Variants in GIMAP5 observed in about 807,000 individuals in gnomAD.
The protein encoded by GIMAP5 is GTPase, IMAP family member 5.
A neutral mutation model predicts 9.9 loss-of-function variants in GIMAP5; 8 were observed. That is an observed-to-expected ratio of 0.81 (90% CI 0.47 to 1.45). The LOEUF (loss-of-function observed/expected upper bound fraction) is 1.45, where lower values mean the gene tolerates loss of function less well. Ranked by LOEUF, GIMAP5 falls within the 40% of genes most tolerant of loss-of-function variation. The pLI is 0.00. For missense variants in GIMAP5, 353 were observed against 367.4 expected, an observed-to-expected ratio of 0.96 and a Z score of 0.32; for synonymous variants, 174 against 151.4, an observed-to-expected ratio of 1.15 and a Z score of -1.09.
chr7:150,740,682 A>C (rs1357244657), intron 1 of GIMAP5, 197 bp from the exon 2 acceptor site: 1 of 559,198 alleles, frequency 1.8e-6, no homozygotes, highest in African/African-American at 1.9e-5. Flanking sequence ...TTTTAGCATA[A>C]CCTAACATCT....
chr7:150,740,717 T>C, intron 1 of GIMAP5, 162 bp from the exon 2 acceptor site: 2 of 654,682 alleles, frequency 3.1e-6, no homozygotes, highest in East Asian at 5.5e-5. Flanking sequence ...TGTTTAAAGT[T>C]ATTTACAGAT....
chr7:150,742,613 C>T lies in GIMAP5; in HGVS notation c.474C>T (p.Gly158=). Residue 158 remains glycine, a synonymous_variant, in exon 3 of 3, where the codon GGC becomes GGT. Transcript: ENST00000358647. ...TCACCCACAAAGAGGACTTAGGGGG[C>T]CAGGCCCTGGATGACTATGTAGCAA... ...ILFTHKEDLG[G]QALDDYVANT... is the part of the protein sequence containing the mutation. 1 of 1,614,154 alleles carries T rather than the reference C, an allele frequency of 6.2e-7. No homozygotes were observed. Among genetic ancestry groups the T allele is most frequent in the Non-Finnish European group, 8.5e-7 (1 of 1,180,034 alleles).
Position 150,742,956 on chromosome 7 carries a change from C to T in GIMAP5, c.817C>T (p.Leu273Phe). Residue 273 changes from leucine (L) to phenylalanine (F), a missense_variant, in exon 3 of 3, where the codon CTC becomes TTC. Physicochemically the swap from Leu to Phe is conservative, Grantham distance 22. Coordinates refer to ENST00000358647, the MANE Select transcript of GIMAP5 (RefSeq NM_018384.5). ...NESNWAYKAL[L>F]RVKHLMLLHY... is the part of the protein sequence containing the mutation. ...GAGTAACTGGGCATACAAGGCGCTC[C>T]TCAGAGTCAAACACTTGATGCTTTT... The T allele has an allele frequency of 1.2e-6, 2 of 1,614,262 alleles. No individual in the cohort carries two copies. The highest frequency in any genetic ancestry group is 1.7e-6 in the Non-Finnish European group (2 of 1,180,052).
In GIMAP5 at chr7:150,742,414, A is replaced by T. The variant is rs754403916; in HGVS notation, c.275A>T (p.Asp92Val). 3 of 1,614,038 alleles carry T rather than the reference A, an allele frequency of 1.9e-6. No homozygotes were observed. The highest frequency in any genetic ancestry group is 2.5e-6 in the Non-Finnish European group (3 of 1,179,996). The change falls in exon 3 of 3, where the codon GAT becomes GTT. Residue 92 changes from aspartate (D) to valine (V), a missense_variant. Coordinates refer to ENST00000358647, the MANE Select transcript of GIMAP5 (RefSeq NM_018384.5). ...CCCTCCATCTTTGAGTCACAGGCCGATACCCAAGAGCTGTACAAGAACATC... is the reference window on the plus strand; with the variant it reads ...CCCTCCATCTTTGAGTCACAGGCCGTTACCCAAGAGCTGTACAAGAACATC... ...DTPSIFESQADTQELYKNIGD... is the reference protein window; with the variant it reads ...DTPSIFESQAVTQELYKNIGD...
In GIMAP5 at chr7:150,742,504, G is replaced by A. The variant is rs150441443; in HGVS notation, c.365G>A (p.Arg122His). The change falls in exon 3 of 3, where the codon CGT (arginine) becomes CAT (histidine). Residue 122 changes from arginine to histidine, a missense_variant. By Grantham distance (29) the Arg-to-His change is conservative. Coordinates refer to ENST00000358647, the MANE Select transcript of GIMAP5 (RefSeq NM_018384.5). ...HVLLLVIQLG[R>H]FTAQDTVAIR... ...CTGCTTCTGGTGATCCAGCTGGGGCGTTTCACTGCTCAGGACACAGTGGCC... is the reference window on the plus strand; with the variant it reads ...CTGCTTCTGGTGATCCAGCTGGGGCATTTCACTGCTCAGGACACAGTGGCC... 364 of 1,614,128 alleles carry A rather than the reference G, an allele frequency of 2.3e-4. 5 individuals carry two copies. The Middle Eastern group carries it at 0.014, about 61-fold the overall frequency.
intron 2 of GIMAP5, 123 bp downstream of exon 2, chr7:150,741,050 G>A (rs4725359): frequency 0.12 from 119,126 of 962,822 alleles, 7,804 homozygotes; most frequent in African/African-American, 0.18. Flanking sequence ...AGAAGATAAA[G>A]GCAACTATCA....
rs146646600 is a variant in GIMAP5, at chr7:150,742,388, G to A, written c.249G>A (p.Thr83=). Residue 83 remains threonine (T), a synonymous_variant, in exon 3 of 3, where the codon ACG becomes ACA. Coordinates refer to ENST00000358647, the MANE Select transcript of GIMAP5 (RefSeq NM_018384.5). ...GGAGGAAAGTCCTGGTGGTTGACAC[G>A]CCCTCCATCTTTGAGTCACAGGCCG... The part of the protein sequence containing the change: ...WNGRKVLVVD[T]PSIFESQADT... The A allele has an allele frequency of 2.4e-4, 386 of 1,614,088 alleles. 1 individual carries two copies. The highest frequency in any genetic ancestry group is 1.4e-3 in the South Asian group (124 of 91,078).
chr7:150,741,233 G>C (rs939128051), intron 2 of GIMAP5, among the ~76,000 whole-genome samples: 1 of 135,680 alleles, frequency 7.4e-6, no homozygotes, highest in Admixed American at 7.1e-5. Context: ...TCTGCTGACA[G>C]CTCAAAAAGA....
chr7:150,737,591 C>G lies in GIMAP5; in HGVS notation c.-124C>G, dbSNP rs79239469. 1 of 1,535,578 alleles carries G rather than the reference C, an allele frequency of 6.5e-7. No individual in the cohort carries two copies. The highest frequency in any genetic ancestry group is 1.2e-5 in the South Asian group (1 of 84,056). On this transcript the variant is annotated 5_prime_UTR_variant, in exon 1 of 3. Transcript: ENST00000358647. ...CCCTCAGCCCTGTGAACAGCATCCC[C>G]GCACACAGACGCAGAGCAGGACTCT...
chr7:150,742,809 T>C lies in GIMAP5; in HGVS notation c.670T>C (p.Phe224Leu), dbSNP rs574994840. The C allele has an allele frequency of 1.1e-5, 17 of 1,614,022 alleles. No individual in the cohort carries two copies. The highest frequency in any genetic ancestry group is 1.4e-5 in the Non-Finnish European group (16 of 1,180,044). The stretch of plus-strand genomic sequence containing the variant: ...GGGCTCCTTCCACAGCAATGACCTC[T>C]TCTTGGATGCCCAGCTGCTCCAAAG... The part of the protein sequence containing the change: ...REGSFHSNDL[F>L]LDAQLLQRTG... The change falls in exon 3 of 3, where the codon TTC becomes CTC. Residue 224 changes from phenylalanine (F) to leucine (L), a missense_variant. Transcript: ENST00000358647.
intron 1 of GIMAP5, 140 bp downstream of exon 1, chr7:150,737,848 G>A (rs1797538535): frequency 1.5e-6 from 1 of 679,864 alleles, no homozygotes; most frequent in South Asian, 1.8e-5. Flanking sequence ...CGGGGCAATG[G>A]TGATGAGTGT....
intron 2 of GIMAP5, 100 bp downstream of exon 2, chr7:150,741,027 T>G (rs544200788): frequency 1.6e-6 from 2 of 1,276,774 alleles, no homozygotes; most frequent in East Asian, 2.4e-5. Context: ...AGAAACCCAT[T>G]CATTTTAAAT....
In GIMAP5 at chr7:150,742,672, G is replaced by T. The variant is rs147182394; in HGVS notation, c.533G>T (p.Arg178Leu). ...AACTGCAGCCTGAAAGACCTGGTGCGGGAGTGTGAGAGAAGGTACTGTGCC... is the reference window on the plus strand; with the variant it reads ...AACTGCAGCCTGAAAGACCTGGTGCTGGAGTGTGAGAGAAGGTACTGTGCC... ...TDNCSLKDLV[R>L]ECERRYCAFN... The change falls in exon 3 of 3, where the codon CGG becomes CTG. Residue 178 changes from arginine to leucine, a missense_variant. Physicochemically the swap from Arg to Leu is moderately radical, Grantham distance 102 (BLOSUM62 -2). Transcript: ENST00000358647. The T allele has an allele frequency of 6.2e-7, 1 of 1,614,204 alleles. No homozygotes were observed. Among genetic ancestry groups the T allele is most frequent in the Non-Finnish European group, 8.5e-7 (1 of 1,180,034 alleles).
Position 150,742,556 on chromosome 7 carries a change from G to A in GIMAP5, c.417G>A (p.Gly139=), listed in dbSNP as rs1160288168. 2 of 1,614,196 alleles carry A rather than the reference G, an allele frequency of 1.2e-6. No homozygotes were observed. The highest frequency in any genetic ancestry group is 1.7e-5 in the Admixed American group (1 of 60,028). The change falls in exon 3 of 3, where the codon GGG becomes GGA. Residue 139 remains glycine, a synonymous_variant. Transcript: ENST00000358647. ...VAIRKVKEVF[G]TGAMRHVVIL... is the part of the protein sequence containing the mutation. ...TCAGGAAGGTGAAAGAGGTCTTTGG[G>A]ACAGGGGCCATGAGACATGTGGTCA... is the stretch of plus-strand genomic sequence containing the variant.
At position 150,742,976 on chromosome 7, in the gene GIMAP5, G is replaced by C. The variant is rs771386178; in HGVS notation, c.837G>C (p.Met279Ile). The C allele has an allele frequency of 1.9e-6, 3 of 1,614,166 alleles. No individual in the cohort carries two copies. Among genetic ancestry groups the C allele is most frequent in the Non-Finnish European group, 2.5e-6 (3 of 1,180,004 alleles). Residue 279 changes from methionine to isoleucine, a missense_variant, in exon 3 of 3, where the codon ATG becomes ATC. Coordinates refer to ENST00000358647, the MANE Select transcript of GIMAP5 (RefSeq NM_018384.5). ...CGCTCCTCAGAGTCAAACACTTGAT[G>C]CTTTTGCATTATGAGATTTTTGTTT... The part of the protein sequence containing the change: ...YKALLRVKHL[M>I]LLHYEIFVFL...
chr7:150,740,825 T>C (rs1258494807), intron 1 of GIMAP5, 54 bp from the exon 2 acceptor site: 88 of 1,587,410 alleles, frequency 5.5e-5, no homozygotes, highest in Non-Finnish European at 6.8e-5. Context: ...CCTCAGGCTC[T>C]ACCAGCTCCC....
chr7:150,742,388 G>T lies in GIMAP5; in HGVS notation c.249G>T (p.Thr83=). Reference sequence around the variant, plus strand: ...GGAGGAAAGTCCTGGTGGTTGACACGCCCTCCATCTTTGAGTCACAGGCCG... The same window carrying T: ...GGAGGAAAGTCCTGGTGGTTGACACTCCCTCCATCTTTGAGTCACAGGCCG... ...WNGRKVLVVD[T]PSIFESQADT... The change falls in exon 3 of 3, where the codon ACG becomes ACT. Residue 83 remains threonine (T), a synonymous_variant. Transcript: ENST00000358647. 3 of 1,614,088 alleles carry T rather than the reference G, an allele frequency of 1.9e-6. No individual in the cohort carries two copies. The highest frequency in any genetic ancestry group is 1.7e-5 in the Admixed American group (1 of 60,016).
intron 2 of GIMAP5, among the ~76,000 whole-genome samples, chr7:150,741,254 A>G (rs571577214): frequency 4.6e-5 from 7 of 151,668 alleles, no homozygotes; most frequent in Non-Finnish European, 1.0e-4. Flanking sequence ...AAAGGTCCCC[A>G]TAGGGATTTA....
chr7:150,741,028 C>A, intron 2 of GIMAP5, 101 bp downstream of exon 2: 1 of 1,274,288 alleles, frequency 7.8e-7, no homozygotes, highest in Non-Finnish European at 1.1e-6. Flanking sequence ...GAAACCCATT[C>A]ATTTTAAATG....
Sources: allele counts gnomAD v4.1 joint callset (sites outside exome capture counted in the v4.1 genomes callset), GRCh38; gene constraint gnomAD v4.1.1; transcripts MANE v1.5; gene names NCBI Gene and HGNC (gene_info 2026-07-23, HGNC 2026-07-21).